Variants in LRP1B observed in about 807,000 individuals in gnomAD.
LRP1B encodes low-density lipoprotein receptor-related protein 1B.
A neutral mutation model predicts 556.6 loss-of-function variants in LRP1B; 217 were observed. That is an observed-to-expected ratio of 0.39 (90% CI 0.35 to 0.44). LRP1B has a LOEUF of 0.44. LRP1B is among the 20% of genes least tolerant of loss of function. LRP1B has a pLI of 1.00. For synonymous variants in LRP1B, 2,047 were observed against 1,865.8 expected, an observed-to-expected ratio of 1.10 and a Z score of -2.50; for missense variants, 5,053 against 5,620.8, an observed-to-expected ratio of 0.90 and a Z score of 3.23.
At chr2:140,483,579 T>TACAC (rs1553472584) in intron 59 of LRP1B, among the ~76,000 whole-genome samples, 26 of 142,454 alleles carry the variant, frequency 1.8e-4, no homozygotes, top group African/African-American at 4.8e-4. Context: ...TATATATATG[T>TACAC]ACACACACAT....
intron 15 of LRP1B, among the ~76,000 whole-genome samples, chr2:141,000,918 T>TATCTAC (rs1220771447): frequency 6.6e-6 from 1 of 151,414 alleles, no homozygotes; most frequent in Non-Finnish European, 1.5e-5. Flanking sequence ...ATCTTTCCTA[T>TATCTAC]ATCAATATAG....
chr2:141,044,458 G>T (rs1160938869), intron 11 of LRP1B, among the ~76,000 whole-genome samples: 11 of 150,644 alleles, frequency 7.3e-5, no homozygotes, highest in African/African-American at 2.7e-4. Context: ...CACAGCAAAA[G>T]AAACTACCAT....
intron 13 of LRP1B, 71 bp from the exon 14 acceptor site, chr2:141,013,816 G>T (rs1169497606): frequency 1.2e-6 from 1 of 865,308 alleles, no homozygotes; most frequent in Non-Finnish European, 1.7e-6. Flanking sequence ...TTTAGAGAAA[G>T]TGATATTCAA....
chr2:141,850,806 T>C (rs1697824952), intron 1 of LRP1B, among the ~76,000 whole-genome samples: 1 of 151,648 alleles, frequency 6.6e-6, no homozygotes, highest in Non-Finnish European at 1.5e-5. Context: ...TAATAAGAAT[T>C]TCCTGAAGCA....
At chr2:140,930,499 A>G (rs1388699505) in intron 20 of LRP1B, among the ~76,000 whole-genome samples, 4 of 152,124 alleles carry the variant, frequency 2.6e-5, no homozygotes, top group African/African-American at 9.7e-5. Context: ...GTATTGCAAA[A>G]ATCATACATA....
intron 1 of LRP1B, among the ~76,000 whole-genome samples, chr2:141,901,113 T>C (rs1461976300): frequency 6.6e-6 from 1 of 152,038 alleles, no homozygotes; most frequent in East Asian, 1.9e-4. Flanking sequence ...TCCACAAATA[T>C]TCACTGAGCT....
At chr2:141,834,227 T>G (rs1697196742) in intron 1 of LRP1B, among the ~76,000 whole-genome samples, 1 of 151,824 alleles carries the variant, frequency 6.6e-6, no homozygotes, top group Non-Finnish European at 1.5e-5. Flanking sequence ...AAAACAATGT[T>G]TTAAAGAAGC....
At chr2:141,929,912 CAAAAAAAA>C (rs70994467) in intron 1 of LRP1B, among the ~76,000 whole-genome samples, 250 of 104,144 alleles carry the variant, frequency 2.4e-3, no homozygotes, top group African/African-American at 9.1e-3. Flanking sequence ...CGGATGGAAA[CAAAAAAAA>C]AAAAAAAAAA....
chr2:141,857,688 G>A (rs1377856756), intron 1 of LRP1B, among the ~76,000 whole-genome samples: 1 of 151,986 alleles, frequency 6.6e-6, no homozygotes, highest in Non-Finnish European at 1.5e-5. Context: ...GTCTTTAAAA[G>A]CAAAATGAAA....
At chr2:140,906,522 G>A (rs908248220) in intron 22 of LRP1B, among the ~76,000 whole-genome samples, 39 of 151,766 alleles carry the variant, frequency 2.6e-4, no homozygotes, top group African/African-American at 8.9e-4. Context: ...ATAACTGCAG[G>A]GCATCAGGCA....
chr2:141,020,158 G>C (rs1698024738), intron 11 of LRP1B, 56 bp from the exon 12 acceptor site: 1 of 1,178,008 alleles, frequency 8.5e-7, no homozygotes, highest in Non-Finnish European at 1.2e-6. Flanking sequence ...AGTAAAATTA[G>C]TGTTCACTAC....
intron 18 of LRP1B, 145 bp downstream of exon 18, chr2:140,982,015 C>T (rs554627151): frequency 3.4e-6 from 2 of 588,336 alleles, no homozygotes; most frequent in African/African-American, 3.7e-5. Flanking sequence ...CAATCAGGTC[C>T]AAAAGTTTGT....
At chr2:141,517,015 A>AT (rs1553526012) in intron 2 of LRP1B, among the ~76,000 whole-genome samples, 1 of 123,734 alleles carries the variant, frequency 8.1e-6, no homozygotes, top group African/African-American at 3.2e-5. Context: ...AAAAAAAAAA[A>AT]AAAAAAAAAA....
chr2:140,895,206 T>C (rs1461023231), intron 23 of LRP1B, among the ~76,000 whole-genome samples: 1 of 151,742 alleles, frequency 6.6e-6, no homozygotes, highest in Non-Finnish European at 1.5e-5. Flanking sequence ...ATGAAAAAAA[T>C]AGAGAATAAG....
chr2:141,201,632 ACAT>A (rs1401497856), intron 6 of LRP1B, among the ~76,000 whole-genome samples: 2 of 152,150 alleles, frequency 1.3e-5, no homozygotes, highest in Non-Finnish European at 2.9e-5. Flanking sequence ...TATACAAATA[ACAT>A]TATTGTACTT....
intron 1 of LRP1B, among the ~76,000 whole-genome samples, chr2:141,994,085 T>G (rs781136044): frequency 1.3e-5 from 2 of 152,178 alleles, no homozygotes; most frequent in Non-Finnish European, 2.9e-5. Context: ...GAAATCTAAA[T>G]GGAACCCTGA....
intron 71 of LRP1B, among the ~76,000 whole-genome samples, chr2:140,367,464 T>C (rs1022961836): frequency 1.3e-5 from 2 of 151,704 alleles, no homozygotes; most frequent in African/African-American, 4.8e-5. Context: ...AATATCACCA[T>C]GTGAGACTCC....
intron 4 of LRP1B, 34 bp from the exon 5 acceptor site, chr2:141,247,388 C>T (rs772136615): frequency 1.3e-5 from 21 of 1,603,254 alleles, no homozygotes; most frequent in Non-Finnish European, 1.7e-5. Context: ...TTCTAAGCAG[C>T]TTTATCTTGG....
chr2:140,894,315 CAAG>C (rs1200933815), intron 23 of LRP1B, among the ~76,000 whole-genome samples: 2 of 151,984 alleles, frequency 1.3e-5, no homozygotes, highest in African/African-American at 4.8e-5. Flanking sequence ...ACTGGAGAAA[CAAG>C]AAGATAAAAA....
Sources: gnomAD v4.1 joint callset for allele counts (sites outside exome capture counted in the v4.1 genomes callset) on GRCh38, gnomAD v4.1.1 for gene constraint, MANE v1.5 for transcripts, NCBI Gene and HGNC (gene_info 2026-07-23, HGNC 2026-07-21) for gene names.